The following CACNA2D1 variants were observed in gnomAD, a reference collection of about 807,000 sequenced individuals.
CACNA2D1 encodes the protein voltage-dependent calcium channel subunit alpha-2/delta-1.
In CACNA2D1, 53 loss-of-function variants were observed where a neutral mutation model predicts 171.5. The ratio of observed to expected loss-of-function variants is 0.31; its 90% CI spans 0.25 to 0.39. CACNA2D1 has a LOEUF of 0.39. Ranked by LOEUF, CACNA2D1 falls within the 10% of genes least tolerant of loss-of-function variation. The pLI is 1.00. For synonymous variants in CACNA2D1, 442 were observed against 443.1 expected, an observed-to-expected ratio of 1.00 and a Z score of 0.03; for missense variants, 903 against 1,299.8, an observed-to-expected ratio of 0.69 and a Z score of 4.69.
At chr7:82,159,836 A>G (rs1177232575) in intron 4 of CACNA2D1, among the ~76,000 whole-genome samples, 2 of 151,164 alleles carry the variant, frequency 1.3e-5, no homozygotes, top group East Asian at 1.9e-4. Flanking sequence ...AATGTTAAAA[A>G]AAAGACTGTA....
intron 3 of CACNA2D1, among the ~76,000 whole-genome samples, chr7:82,287,731 A>C (rs779556237): frequency 3.3e-5 from 5 of 152,238 alleles, no homozygotes; most frequent in Non-Finnish European, 7.3e-5. Context: ...AATGATGCAG[A>C]CAATTAAAAT....
intron 38 of CACNA2D1, among the ~76,000 whole-genome samples, chr7:81,957,952 T>C (rs1260817473): frequency 1.3e-5 from 2 of 152,114 alleles, no homozygotes; most frequent in Non-Finnish European, 2.9e-5. Context: ...TGACAAATAG[T>C]TGATGAGCGA....
chr7:82,180,677 G>C (rs1175611780), intron 3 of CACNA2D1, among the ~76,000 whole-genome samples: 1 of 152,160 alleles, frequency 6.6e-6, no homozygotes. Context: ...AGTCCTATGG[G>C]ACGGGTAAGA....
chr7:82,302,900 C>T (rs771321617), intron 3 of CACNA2D1, among the ~76,000 whole-genome samples: 11 of 152,192 alleles, frequency 7.2e-5, no homozygotes, highest in Non-Finnish European at 1.3e-4. Context: ...TTTATACAAC[C>T]GTTAAAAACC....
At chr7:82,011,495 A>G (rs1799770204) in intron 15 of CACNA2D1, among the ~76,000 whole-genome samples, 1 of 152,180 alleles carries the variant, frequency 6.6e-6, no homozygotes, top group African/African-American at 2.4e-5. Context: ...GCTTTTAAAT[A>G]TAATGACATA....
intron 1 of CACNA2D1, among the ~76,000 whole-genome samples, chr7:82,387,125 T>C (rs1322875352): frequency 2.6e-5 from 4 of 152,172 alleles, no homozygotes; most frequent in African/African-American, 9.6e-5. Flanking sequence ...TGGTCATATG[T>C]CTTTTATAAA....
At chr7:82,387,802 C>T (rs1824581728) in intron 1 of CACNA2D1, among the ~76,000 whole-genome samples, 2 of 152,040 alleles carry the variant, frequency 1.3e-5, no homozygotes, top group Admixed American at 6.5e-5. Context: ...ATCTGAAGGC[C>T]GGGTGCACTG....
chr7:82,290,082 G>T (rs1811332840), intron 3 of CACNA2D1, among the ~76,000 whole-genome samples: 1 of 152,146 alleles, frequency 6.6e-6, no homozygotes, highest in East Asian at 1.9e-4. Flanking sequence ...GTTCCTATTA[G>T]GTTGGTGCAA....
chr7:82,334,707 T>C (rs1817777686), intron 3 of CACNA2D1, among the ~76,000 whole-genome samples: 1 of 152,158 alleles, frequency 6.6e-6, no homozygotes, highest in African/African-American at 2.4e-5. Flanking sequence ...CTTGAATATC[T>C]AGCATTTTGG....
chr7:81,960,148 A>G (rs1469654367), intron 36 of CACNA2D1, among the ~76,000 whole-genome samples: 1 of 152,112 alleles, frequency 6.6e-6, no homozygotes, highest in Non-Finnish European at 1.5e-5. Flanking sequence ...TTACACATAC[A>G]AAGAATTGTG....
chr7:82,015,138 T>C (rs1800294477), intron 12 of CACNA2D1, among the ~76,000 whole-genome samples: 1 of 152,214 alleles, frequency 6.6e-6, no homozygotes, highest in African/African-American at 2.4e-5. Flanking sequence ...CCTGGTTATA[T>C]ATGTTATCTA....
chr7:81,965,076 T>A (rs1183360584), intron 32 of CACNA2D1, among the ~76,000 whole-genome samples: 1 of 151,654 alleles, frequency 6.6e-6, no homozygotes, highest in African/African-American at 2.4e-5. Flanking sequence ...ACCCCATAAA[T>A]CCTGTCATCC....
chr7:82,279,650 C>T (rs1180522105), intron 3 of CACNA2D1, among the ~76,000 whole-genome samples: 1 of 152,152 alleles, frequency 6.6e-6, no homozygotes, highest in Non-Finnish European at 1.5e-5. Context: ...TTCTTCTAAC[C>T]TAACTTTTCA....
At chr7:82,430,932 C>G (rs773279013) in intron 1 of CACNA2D1, among the ~76,000 whole-genome samples, 2 of 152,160 alleles carry the variant, frequency 1.3e-5, no homozygotes, top group African/African-American at 2.4e-5. Flanking sequence ...GGTGGTAAAG[C>G]TATGACTTTT....
chr7:82,032,854 C>G lies in CACNA2D1; in HGVS notation c.1086G>C (p.Thr362=). 1 of 1,603,354 alleles carries G rather than the reference C, an allele frequency of 6.2e-7. No individual in the cohort carries two copies. The highest frequency in any genetic ancestry group is 8.5e-7 in the Non-Finnish European group (1 of 1,171,298). Residue 362 remains threonine, a synonymous_variant, in exon 12 of 39, where the codon ACG becomes ACC. Transcript: ENST00000356860. ...ANCNKIIMLF[T]DGGEERAQEI... ...CCTGGGCTCTCTCTTCTCCTCCATC[C>G]GTGAATAGCATAATAATCTTATTGC...
intron 7 of CACNA2D1, among the ~76,000 whole-genome samples, chr7:82,080,359 T>G (rs2129005238): frequency 6.6e-6 from 1 of 152,170 alleles, no homozygotes; most frequent in Non-Finnish European, 1.5e-5. Flanking sequence ...AATAGGTAGC[T>G]TACAGAAGTT....
intron 3 of CACNA2D1, among the ~76,000 whole-genome samples, chr7:82,212,548 A>G (rs933808391): frequency 4.6e-5 from 7 of 152,186 alleles, no homozygotes; most frequent in African/African-American, 1.7e-4. Flanking sequence ...TTTATTCAAC[A>G]TGGGGAAATT....
chr7:81,994,682 G>T (rs1352271287), intron 20 of CACNA2D1, among the ~76,000 whole-genome samples, 186 bp downstream of exon 20: 1 of 151,838 alleles, frequency 6.6e-6, no homozygotes, highest in East Asian at 1.9e-4. Flanking sequence ...GAAAAAGAGG[G>T]TTAAAAATAT....
intron 4 of CACNA2D1, among the ~76,000 whole-genome samples, chr7:82,149,984 G>A (rs1055319281): frequency 3.3e-5 from 5 of 151,750 alleles, no homozygotes; most frequent in Non-Finnish European, 5.9e-5. Context: ...ATGTGCGTGT[G>A]TGTGTGTGCA....
Sources: allele counts gnomAD v4.1 joint callset (sites outside exome capture counted in the v4.1 genomes callset), GRCh38; gene constraint gnomAD v4.1.1; transcripts MANE v1.5; gene names NCBI Gene and HGNC (gene_info 2026-07-23, HGNC 2026-07-21).